RASAL2: variants seen among roughly 807,000 people sequenced by gnomAD.
RASAL2 encodes ras GTPase-activating protein nGAP.
RASAL2 carries 58 observed loss-of-function variants against 128.9 expected under a neutral mutation model. The observed-to-expected ratio is 0.45, with a 90% CI of 0.36 to 0.56. The LOEUF is 0.56. Among genes scored for constraint, RASAL2 ranks in the 20% least tolerant of loss-of-function variants. The probability of loss-of-function intolerance (pLI) is 0.00; values close to 1 mark genes in which losing one functional copy is unlikely to be tolerated. For synonymous variants in RASAL2, 561 were observed against 580.8 expected (o/e 0.97, Z 0.49); for missense variants, 1,360 against 1,601.6 (o/e 0.85, Z 2.57).
intron 1 of RASAL2, among the ~76,000 whole-genome samples, chr1:178,199,948 G>A (rs1010021045): frequency 2.1e-4 from 32 of 152,252 alleles, no homozygotes; most frequent in African/African-American, 7.2e-4. Flanking sequence ...TTAGCCTCCC[G>A]GCCTACATCT....
intron 4 of RASAL2, among the ~76,000 whole-genome samples, chr1:178,403,906 A>T (rs1193679211): frequency 6.6e-6 from 1 of 152,202 alleles, no homozygotes; most frequent in East Asian, 1.9e-4. Flanking sequence ...CAATGAATCA[A>T]TTGAGAGAAA....
chr1:178,421,690 A>G (rs992825933), intron 5 of RASAL2, among the ~76,000 whole-genome samples: 4 of 151,648 alleles, frequency 2.6e-5, no homozygotes, highest in African/African-American at 4.8e-5. Context: ...TCACTTATCT[A>G]CCTAGAAAAC....
intron 3 of RASAL2, among the ~76,000 whole-genome samples, chr1:178,306,993 AC>A (rs1399124060): frequency 6.7e-6 from 1 of 150,224 alleles, no homozygotes; most frequent in Non-Finnish European, 1.5e-5. Context: ...GTGCACATGT[AC>A]CCTAAAACTT....
intron 3 of RASAL2, among the ~76,000 whole-genome samples, chr1:178,338,210 A>G (rs1669692668): frequency 1.3e-5 from 2 of 151,674 alleles, no homozygotes; most frequent in African/African-American, 2.4e-5. Flanking sequence ...GCTCACTGCA[A>G]CATTTGCCTC....
intron 3 of RASAL2, among the ~76,000 whole-genome samples, chr1:178,351,486 C>T (rs561793559): frequency 6.6e-5 from 10 of 152,294 alleles, no homozygotes; most frequent in African/African-American, 9.6e-5. Flanking sequence ...AATCCCAGCA[C>T]TTTGGGAGGC....
intron 1 of RASAL2, among the ~76,000 whole-genome samples, chr1:178,177,246 A>T (rs1661928226): frequency 6.6e-6 from 1 of 152,214 alleles, no homozygotes; most frequent in African/African-American, 2.4e-5. Flanking sequence ...ATCTTAAGTT[A>T]TCTGGATCAG....
At chr1:178,236,218 G>A (rs924458850) in intron 1 of RASAL2, among the ~76,000 whole-genome samples, 1 of 151,850 alleles carries the variant, frequency 6.6e-6, no homozygotes, top group African/African-American at 2.4e-5. Flanking sequence ...TAAAGTTGTT[G>A]GTTTTTTAGA....
chr1:178,111,807 G>A (rs1558059156), intron 1 of RASAL2, among the ~76,000 whole-genome samples: 2 of 152,156 alleles, frequency 1.3e-5, no homozygotes, highest in African/African-American at 4.8e-5. Context: ...TCAGCTCACT[G>A]CAACCTCCGC....
chr1:178,419,388 A>G (rs566942799), intron 4 of RASAL2, among the ~76,000 whole-genome samples: 3 of 152,034 alleles, frequency 2.0e-5, no homozygotes, highest in Non-Finnish European at 2.9e-5. Flanking sequence ...ATCCTCCCAC[A>G]TCATCCTCCT....
At chr1:178,420,663 G>A (rs1383307718) in intron 5 of RASAL2, 43 bp downstream of exon 5, 1 of 1,422,544 alleles carries the variant, frequency 7.0e-7, no homozygotes, top group African/African-American at 1.4e-5. Context: ...CAGTTTGAGA[G>A]TGAATTTTGT....
chr1:178,190,736 TAAA>T (rs34917770), intron 1 of RASAL2, among the ~76,000 whole-genome samples: 16 of 148,896 alleles, frequency 1.1e-4, no homozygotes, highest in African/African-American at 3.4e-4. Flanking sequence ...ATTTCATAGT[TAAA>T]AAAAAAAAAA....
At chr1:178,235,474 A>C (rs1414036618) in intron 1 of RASAL2, among the ~76,000 whole-genome samples, 1 of 152,202 alleles carries the variant, frequency 6.6e-6, no homozygotes, top group Non-Finnish European at 1.5e-5. Context: ...TACAGAGTTT[A>C]AGTTTAAGGT....
At chr1:178,420,056 C>T (rs1057188260) in intron 4 of RASAL2, among the ~76,000 whole-genome samples, 2 of 152,138 alleles carry the variant, frequency 1.3e-5, no homozygotes, top group East Asian at 1.9e-4. Flanking sequence ...TCCTCCAATG[C>T]GCCAAGTACC....
At chr1:178,323,949 C>T (rs982786509) in intron 3 of RASAL2, among the ~76,000 whole-genome samples, 7 of 152,072 alleles carry the variant, frequency 4.6e-5, no homozygotes, top group African/African-American at 1.7e-4. Flanking sequence ...AATGCATACC[C>T]GTAACTAGAA....
intron 2 of RASAL2, among the ~76,000 whole-genome samples, chr1:178,297,665 G>A (rs1273578893): frequency 1.3e-5 from 2 of 149,554 alleles, no homozygotes; most frequent in Admixed American, 6.7e-5. Context: ...GTTATATTAT[G>A]TTCTTTGTAT....
intron 3 of RASAL2, among the ~76,000 whole-genome samples, chr1:178,375,942 A>C (rs1159127456): frequency 6.6e-6 from 1 of 152,134 alleles, no homozygotes; most frequent in Non-Finnish European, 1.5e-5. Context: ...TAGAGAAGAA[A>C]GATTGTTGAT....
At chr1:178,308,836 T>C (rs1571829216) in intron 3 of RASAL2, among the ~76,000 whole-genome samples, 1 of 152,268 alleles carries the variant, frequency 6.6e-6, no homozygotes, top group South Asian at 2.1e-4. Flanking sequence ...TATTTGTAAA[T>C]TAGTGAGGAC....
intron 3 of RASAL2, among the ~76,000 whole-genome samples, chr1:178,311,681 T>C (rs12060844): frequency 0.23 from 34,307 of 152,076 alleles, 6,723 homozygotes; most frequent in African/African-American, 0.53. Context: ...CTTCTCTCAC[T>C]TGCCTTTACC....
chr1:178,322,261 A>G (rs571484296), intron 3 of RASAL2, among the ~76,000 whole-genome samples: 1 of 152,042 alleles, frequency 6.6e-6, no homozygotes, highest in Non-Finnish European at 1.5e-5. Context: ...GTCCTGCCTC[A>G]CCGTACTTTT....
Sources: gnomAD v4.1 joint callset for allele counts (sites outside exome capture counted in the v4.1 genomes callset) on GRCh38, gnomAD v4.1.1 for gene constraint, MANE v1.5 for transcripts, NCBI Gene and HGNC (gene_info 2026-07-23, HGNC 2026-07-21) for gene names.